Variants in DACH2 observed in about 807,000 individuals in gnomAD.
DACH2 encodes dachshund family transcription factor 2, also known as dachshund homolog 2.
A neutral mutation model predicts 35.8 loss-of-function variants in DACH2; 17 were observed. That is an observed-to-expected ratio of 0.48 (90% CI 0.33 to 0.71). The LOEUF (loss-of-function observed/expected upper bound fraction) is 0.71, where lower values mean the gene tolerates loss of function less well. Ranked by LOEUF, DACH2 falls within the 30% of genes least tolerant of loss-of-function variation. The probability of loss-of-function intolerance (pLI) is 0.02; values close to 1 mark genes in which losing one functional copy is unlikely to be tolerated. For missense variants in DACH2, 469 were observed against 472.7 expected (o/e 0.99, Z 0.07); for synonymous variants, 195 against 177.3 (o/e 1.10, Z -0.79).
chrX:86,342,568 A>T (rs2035429684), intron 1 of DACH2, among the ~76,000 whole-genome samples: 1 of 109,405 alleles, frequency 9.1e-6, no homozygotes, highest in Non-Finnish European at 1.9e-5. Context: ...CTACTTTGGG[A>T]GGCTGAGGCA....
intron 3 of DACH2, among the ~76,000 whole-genome samples, chrX:86,619,264 T>C (rs1468767730): frequency 8.9e-6 from 1 of 111,807 alleles, no homozygotes; most frequent in Non-Finnish European, 1.9e-5. Context: ...GAAAAAGCCA[T>C]GTCTACTGTA....
At chrX:86,381,493 A>C (rs959922069) in intron 2 of DACH2, among the ~76,000 whole-genome samples, 2 of 110,562 alleles carry the variant, frequency 1.8e-5, no homozygotes, top group African/African-American at 6.5e-5. Flanking sequence ...TCATTTGATG[A>C]GACAGTATGG....
At chrX:86,783,713 T>G (rs1212079677) in intron 7 of DACH2, among the ~76,000 whole-genome samples, 1 of 111,781 alleles carries the variant, frequency 8.9e-6, no homozygotes, top group East Asian at 2.8e-4. Flanking sequence ...GATCATTACC[T>G]TAAGTGAAAT....
intron 3 of DACH2, among the ~76,000 whole-genome samples, chrX:86,531,383 G>C (rs775789179): frequency 1.8e-5 from 2 of 111,327 alleles, no homozygotes; most frequent in Non-Finnish European, 3.8e-5. Context: ...AGGGAAAAAT[G>C]GTTCTGTGGG....
rs1426652342 is a variant in DACH2, at chrX:86,280,811, A to T, written c.489-96013A>T. ...GCAGCGTTTGCAATCCTAGTCTCTG[A>T]TAAAACAGACTTTAAACCAACAAAG... On this transcript the variant is annotated intron_variant, in intron 1 of 11. Coordinates refer to ENST00000373125, the MANE Select transcript of DACH2 (RefSeq NM_053281.3). 3.6e-5 allele frequency among the ~76,000 whole-genome samples: 4 copies of T among 111,911 alleles called. No homozygotes were observed. The East Asian group carries it at 1.1e-3, about 31-fold the overall frequency.
chrX:86,401,733 A>G (rs1315621202), intron 2 of DACH2, among the ~76,000 whole-genome samples: 1 of 110,693 alleles, frequency 9.0e-6, no homozygotes, highest in Non-Finnish European at 1.9e-5. Context: ...AAAAAAGAAA[A>G]AAAAAAAACT....
intron 1 of DACH2, among the ~76,000 whole-genome samples, chrX:86,343,559 A>G (rs1470787223): frequency 9.0e-6 from 1 of 111,034 alleles, no homozygotes; most frequent in Non-Finnish European, 1.9e-5. Flanking sequence ...GCAGTCATCT[A>G]TTGTCTAGAG....
At chrX:86,672,622 A>G (rs753733918) in intron 4 of DACH2, among the ~76,000 whole-genome samples, 6 of 112,091 alleles carry the variant, frequency 5.4e-5, no homozygotes, top group Non-Finnish European at 7.5e-5. Context: ...TGTTAAGCCT[A>G]TGGGTGTGCA....
intron 1 of DACH2, among the ~76,000 whole-genome samples, chrX:86,274,222 C>G (rs1251546119): frequency 9.0e-6 from 1 of 110,595 alleles, no homozygotes. Context: ...CGACATTGTA[C>G]TGGGAAGCAG....
chrX:86,619,136 C>A (rs939743434), intron 3 of DACH2, among the ~76,000 whole-genome samples: 1 of 111,575 alleles, frequency 9.0e-6, no homozygotes, highest in South Asian at 3.7e-4. Context: ...AGCCAAGATC[C>A]TATAATTATT....
intron 3 of DACH2, among the ~76,000 whole-genome samples, chrX:86,533,324 T>C (rs1179369009): frequency 2.7e-5 from 3 of 112,421 alleles, no homozygotes; most frequent in Non-Finnish European, 5.6e-5. Flanking sequence ...TGTCCCTTGC[T>C]TGAAACTCTT....
At chrX:86,570,297 T>C (rs755239290) in intron 3 of DACH2, among the ~76,000 whole-genome samples, 43 of 111,661 alleles carry the variant, frequency 3.9e-4, no homozygotes, top group Non-Finnish European at 7.3e-4. Flanking sequence ...TGTATGTTCA[T>C]TGCAGCACTA....
intron 1 of DACH2, among the ~76,000 whole-genome samples, chrX:86,241,560 A>G (rs971767633): frequency 8.9e-6 from 1 of 112,382 alleles, no homozygotes; most frequent in Non-Finnish European, 1.9e-5. Context: ...CAGCATGATC[A>G]TGAGGTAGAA....
intron 3 of DACH2, among the ~76,000 whole-genome samples, chrX:86,628,393 G>T (rs765171555): frequency 8.9e-6 from 1 of 111,842 alleles, no homozygotes; most frequent in African/African-American, 3.2e-5. Flanking sequence ...CATACAGGTA[G>T]CTATAGATAA....
chrX:86,545,166 CAGG>C (rs771614341), intron 3 of DACH2, among the ~76,000 whole-genome samples: 1 of 111,885 alleles, frequency 8.9e-6, no homozygotes, highest in South Asian at 3.7e-4. Context: ...AGCCCACCAA[CAGG>C]AGATTTGATT....
At chrX:86,525,442 T>G (rs771763104) in intron 3 of DACH2, among the ~76,000 whole-genome samples, 1 of 111,862 alleles carries the variant, frequency 8.9e-6, no homozygotes, top group East Asian at 2.8e-4. Flanking sequence ...GGTTGATGAT[T>G]ATTGTTATTA....
At chrX:86,242,153 G>T (rs1469526413) in intron 1 of DACH2, among the ~76,000 whole-genome samples, 1 of 112,182 alleles carries the variant, frequency 8.9e-6, no homozygotes, top group Non-Finnish European at 1.9e-5. Flanking sequence ...CAGAATTGTA[G>T]GTCCACTGAC....
chrX:86,648,741 G>T (rs1347884098), intron 3 of DACH2, among the ~76,000 whole-genome samples: 1 of 110,524 alleles, frequency 9.0e-6, no homozygotes, highest in Admixed American at 9.7e-5. Flanking sequence ...TATATGTACA[G>T]ATTTTTGTAT....
intron 1 of DACH2, among the ~76,000 whole-genome samples, chrX:86,175,770 C>T (rs956936640): frequency 1.8e-5 from 2 of 110,894 alleles, no homozygotes; most frequent in Admixed American, 9.6e-5. Flanking sequence ...GATGGAGATT[C>T]TAGTTGATAC....
Sources: allele counts gnomAD v4.1 joint callset (sites outside exome capture counted in the v4.1 genomes callset), GRCh38; gene constraint gnomAD v4.1.1; transcripts MANE v1.5; gene names NCBI Gene and HGNC (gene_info 2026-07-23, HGNC 2026-07-21).